The following KLHL4 variants were observed in gnomAD, a reference collection of about 807,000 sequenced individuals.
The protein encoded by KLHL4 is kelch like family member 4.
KLHL4 carries 17 observed loss-of-function variants against 45.8 expected under a neutral mutation model. The observed-to-expected ratio is 0.37, with a 90% CI of 0.25 to 0.56. The LOEUF (loss-of-function observed/expected upper bound fraction) is 0.56. KLHL4 is among the 20% of genes least tolerant of loss of function. The pLI, the probability that KLHL4 is intolerant of heterozygous loss-of-function variation, is 0.79. For synonymous variants in KLHL4, 224 were observed against 189.9 expected (o/e 1.18, Z -1.47); for missense variants, 544 against 544.9 (o/e 1.00, Z 0.02).
chrX:87,594,432 A>G, intron 1 of KLHL4, among the ~76,000 whole-genome samples: 1 of 111,774 alleles, frequency 8.9e-6, no homozygotes, highest in East Asian at 2.8e-4. Context: ...TACTATGCTG[A>G]ATCACAAACT....
chrX:87,546,783 A>G (rs1351826580), intron 1 of KLHL4, among the ~76,000 whole-genome samples: 3 of 112,710 alleles, frequency 2.7e-5, no homozygotes, highest in Admixed American at 1.9e-4. Context: ...CTTTGCATCA[A>G]TGTGCCCTGG....
At chrX:87,570,980 A>C (rs1448801751) in intron 1 of KLHL4, among the ~76,000 whole-genome samples, 1 of 110,969 alleles carries the variant, frequency 9.0e-6, no homozygotes, top group Non-Finnish European at 1.9e-5. Flanking sequence ...ACAGCTTTCA[A>C]AAAGGCAGTA....
Position 87,654,412 on chromosome X carries a change from C to A in KLHL4, c.1926-10352C>A, listed in dbSNP as rs1185013089. The stretch of plus-strand genomic sequence containing the variant: ...ACATGTGATATTTGACTTCCTGTTT[C>A]TGAGTTATTTTGTTTAAGACATGAT... On this transcript the variant is annotated intron_variant, in intron 9 of 10. Transcript: ENST00000373119. 2.7e-5 allele frequency among the ~76,000 whole-genome samples: 3 copies of A among 109,151 alleles called. No homozygotes were observed. The East Asian group carries it at 8.4e-4, about 31-fold the overall frequency. The allele number at this position is 109,151 out of a possible 115,157, so 94.8% of individuals were successfully genotyped here. A position where few individuals can be genotyped will look rare whatever the true frequency, so the allele number is the denominator to read the frequency against.
rs1391385706 is a variant in KLHL4, at chrX:87,518,176, A to G, written c.283A>G (p.Asn95Asp). The G allele has an allele frequency of 1.7e-6, 2 of 1,210,327 alleles. No individual in the cohort carries two copies. The highest frequency in any genetic ancestry group is 3.5e-5 in the African/African-American group (2 of 57,292). ...QRAVQNLQQH[N>D]LIVHFQANED... is the part of the protein sequence containing the mutation. ...AGCCGTTCAGAATTTGCAGCAACAT[A>G]ATCTGATAGTACATTTTCAAGCAAA... Residue 95 changes from asparagine (N) to aspartate (D), a missense_variant, in exon 1 of 11, where the codon AAT becomes GAT. Asn to Asp is a conservative substitution (Grantham distance 23, BLOSUM62 1). Coordinates refer to ENST00000373119, the MANE Select transcript of KLHL4 (RefSeq NM_019117.5).
At chrX:87,654,433 A>G (rs892182327) in intron 9 of KLHL4, among the ~76,000 whole-genome samples, 32 of 111,639 alleles carry the variant, frequency 2.9e-4, no homozygotes, top group African/African-American at 9.4e-4. Flanking sequence ...TGTTTAAGAC[A>G]TGATTATTTA....
chrX:87,546,969 A>C (rs1464330250), intron 1 of KLHL4, among the ~76,000 whole-genome samples: 2 of 112,022 alleles, frequency 1.8e-5, no homozygotes, highest in Admixed American at 9.4e-5. Context: ...GAAGTACATA[A>C]ACTGCTTTTG....
At chrX:87,574,385 T>C (rs767384121) in intron 1 of KLHL4, among the ~76,000 whole-genome samples, 31 of 111,683 alleles carry the variant, frequency 2.8e-4, no homozygotes, top group African/African-American at 9.7e-4. Context: ...AGTGTTGTTT[T>C]TAATTATTTT....
At chrX:87,665,293 G>A (rs2147845145) in intron 10 of KLHL4, among the ~76,000 whole-genome samples, 1 of 111,818 alleles carries the variant, frequency 8.9e-6, no homozygotes, top group Admixed American at 9.5e-5. Context: ...AACTTTTTAT[G>A]TATATGTTGT....
At chrX:87,576,959 C>T (rs1476770308) in intron 1 of KLHL4, among the ~76,000 whole-genome samples, 1 of 111,442 alleles carries the variant, frequency 9.0e-6, no homozygotes, top group Non-Finnish European at 1.9e-5. Flanking sequence ...TAAATCTAGT[C>T]CATGAGAAAG....
At chrX:87,602,017 A>T (rs1270825060) in intron 1 of KLHL4, among the ~76,000 whole-genome samples, 1 of 110,799 alleles carries the variant, frequency 9.0e-6, no homozygotes, top group Admixed American at 9.6e-5. Flanking sequence ...TAACAAAAAA[A>T]GTCTAAAAAG....
intron 1 of KLHL4, among the ~76,000 whole-genome samples, chrX:87,610,989 G>T (rs1042649549): frequency 3.6e-5 from 4 of 110,878 alleles, no homozygotes; most frequent in Non-Finnish European, 7.6e-5. Flanking sequence ...CATGAGAATC[G>T]CTTGAACCCA....
chrX:87,623,253 T>C (rs1436358984), intron 5 of KLHL4, among the ~76,000 whole-genome samples: 1 of 108,532 alleles, frequency 9.2e-6, no homozygotes, highest in Non-Finnish European at 1.9e-5. Context: ...TATTGAAAAA[T>C]AGATTGTTAA....
intron 9 of KLHL4, among the ~76,000 whole-genome samples, chrX:87,663,950 A>G (rs1388228889): frequency 8.9e-6 from 1 of 111,861 alleles, no homozygotes; most frequent in Non-Finnish European, 1.9e-5. Context: ...TAAAATAAAT[A>G]TATTTCATTA....
chrX:87,654,344 T>C (rs1211652665), intron 9 of KLHL4, among the ~76,000 whole-genome samples: 1 of 111,449 alleles, frequency 9.0e-6, no homozygotes, highest in Non-Finnish European at 1.9e-5. Flanking sequence ...CCACTTCCTA[T>C]ATCCATGTGT....
intron 1 of KLHL4, among the ~76,000 whole-genome samples, chrX:87,544,530 AC>A (rs1382580573): frequency 1.8e-5 from 2 of 111,205 alleles, no homozygotes. Context: ...TTCAGGTCTG[AC>A]CCAGTACATT....
At chrX:87,538,896 GTTGAAACCA>G (rs1931492017) in intron 1 of KLHL4, among the ~76,000 whole-genome samples, 1 of 111,362 alleles carries the variant, frequency 9.0e-6, no homozygotes, top group African/African-American at 3.3e-5. Context: ...GGACATTGTT[GTTGAAACCA>G]TTGCATTTTC....
intron 2 of KLHL4, 109 bp downstream of exon 2, chrX:87,614,153 A>G (rs751959293): frequency 1.5e-6 from 1 of 654,466 alleles, no homozygotes; most frequent in East Asian, 3.6e-5. Flanking sequence ...TTATTTTCCT[A>G]TATTGAAAAA....
chrX:87,605,401 A>G (rs750786324), intron 1 of KLHL4, among the ~76,000 whole-genome samples: 19 of 110,567 alleles, frequency 1.7e-4, no homozygotes, highest in Non-Finnish European at 3.6e-4. Context: ...TTAACATGGG[A>G]TATCTTTCCA....
At chrX:87,572,790 A>T (rs916754454) in intron 1 of KLHL4, among the ~76,000 whole-genome samples, 2 of 77,622 alleles carry the variant, frequency 2.6e-5, no homozygotes, top group Admixed American at 3.6e-4. Context: ...AACTTAAAGT[A>T]TAATAAAAAA....
Sources: gnomAD v4.1 joint callset for allele counts (sites outside exome capture counted in the v4.1 genomes callset) on GRCh38, gnomAD v4.1.1 for gene constraint, MANE v1.5 for transcripts, NCBI Gene and HGNC (gene_info 2026-07-23, HGNC 2026-07-21) for gene names.